The following TLL2 variants were observed in gnomAD, a reference collection of about 807,000 sequenced individuals.
TLL2 encodes the protein tolloid like 2, also known as tolloid-like protein 2.
In TLL2, 106 loss-of-function variants were observed where a neutral mutation model predicts 123.0. That is an observed-to-expected ratio of 0.86 (90% CI 0.74 to 1.01). TLL2 has a LOEUF of 1.01. Ranked by LOEUF, TLL2 falls within the 50% of genes least tolerant of loss-of-function variation. TLL2 has a pLI of 0.00. For synonymous variants in TLL2, 494 were observed against 516.8 expected, an observed-to-expected ratio of 0.96 and a Z score of 0.60; for missense variants, 1,332 against 1,336.7, an observed-to-expected ratio of 1.00 and a Z score of 0.06.
At chr10:96,505,296 T>C (rs574802572) in intron 1 of TLL2, among the ~76,000 whole-genome samples, 30 of 152,282 alleles carry the variant, frequency 2.0e-4, no homozygotes, top group Non-Finnish European at 4.0e-4. Flanking sequence ...ACCACCCCCA[T>C]GATCCAATCA....
chr10:96,455,840 C>G (rs1445656623), intron 2 of TLL2, among the ~76,000 whole-genome samples: 1 of 152,198 alleles, frequency 6.6e-6, no homozygotes, highest in Non-Finnish European at 1.5e-5. Context: ...TTTATGGATT[C>G]ACCTCAAATT....
chr10:96,495,697 G>T (rs749591143), intron 1 of TLL2, among the ~76,000 whole-genome samples: 7 of 152,034 alleles, frequency 4.6e-5, no homozygotes, highest in Non-Finnish European at 1.0e-4. Flanking sequence ...GGAGAGGTTC[G>T]GGCTCTTGGA....
At chr10:96,402,557 C>T (rs1470748709) in intron 10 of TLL2, among the ~76,000 whole-genome samples, 3 of 152,308 alleles carry the variant, frequency 2.0e-5, no homozygotes, top group East Asian at 1.9e-4. Flanking sequence ...TGCTAGAGAG[C>T]GCCATGCCTG....
chr10:96,457,713 T>C (rs1847031391), intron 2 of TLL2, among the ~76,000 whole-genome samples: 1 of 151,808 alleles, frequency 6.6e-6, no homozygotes, highest in South Asian at 2.1e-4. Flanking sequence ...GATGGGGAGA[T>C]CAGACCACAG....
intron 7 of TLL2, among the ~76,000 whole-genome samples, chr10:96,417,174 A>G (rs532593884): frequency 6.6e-6 from 1 of 152,334 alleles, no homozygotes; most frequent in South Asian, 2.1e-4. Flanking sequence ...GCCCTTTTAC[A>G]GAATCCAACA....
intron 16 of TLL2, 140 bp from the exon 17 acceptor site, chr10:96,379,232 G>A (rs1187580314): frequency 5.4e-6 from 6 of 1,111,296 alleles, no homozygotes; most frequent in Admixed American, 2.3e-5. Flanking sequence ...TTCCCTCACT[G>A]GAGGAGTGAA....
chr10:96,387,993 C>CTGAA (rs1388516765), intron 13 of TLL2, among the ~76,000 whole-genome samples: 36 of 152,162 alleles, frequency 2.4e-4, no homozygotes, highest in Non-Finnish European at 4.6e-4. Flanking sequence ...GAAGGGACAA[C>CTGAA]TGAACACTGA....
At chr10:96,499,851 G>T (rs1293262480) in intron 1 of TLL2, among the ~76,000 whole-genome samples, 4 of 151,836 alleles carry the variant, frequency 2.6e-5, no homozygotes, top group Non-Finnish European at 4.4e-5. Context: ...ATTTTAAAAG[G>T]GTCAAAATTA....
At position 96,513,679 on chromosome 10, in the gene TLL2, G is replaced by C; in HGVS notation, c.7C>G (p.Arg3Gly). MP[R>G]ATALGALVSL... ...ACCAGGGCCCCAAGTGCAGTCGCCC[G>C]GGGCATGGTGGCGCGGGGCCGGCTG... is the stretch of plus-strand genomic sequence containing the variant. The change falls in exon 1 of 21, where the codon CGG becomes GGG. Residue 3 changes from arginine to glycine, a missense_variant. By Grantham distance (125) the Arg-to-Gly change is moderately radical (BLOSUM62 -2). Transcript: ENST00000357947. 6.5e-7 allele frequency: 1 copy of C among 1,536,584 alleles called. No individual in the cohort carries two copies. Among genetic ancestry groups the C allele is most frequent in the Non-Finnish European group, 8.7e-7 (1 of 1,147,392 alleles).
chr10:96,420,589 C>G (rs1203260652), intron 7 of TLL2, among the ~76,000 whole-genome samples: 1 of 152,198 alleles, frequency 6.6e-6, no homozygotes, highest in Admixed American at 6.5e-5. Flanking sequence ...AACCAAACCT[C>G]TGCTAGGAGA....
At chr10:96,407,858 CAT>C (rs56920082) in intron 9 of TLL2, among the ~76,000 whole-genome samples, 16,703 of 152,258 alleles carry the variant, frequency 0.11, 1,226 homozygotes, top group African/African-American at 0.21. Context: ...CATGTGCATG[CAT>C]GTGTGTGCGC....
At chr10:96,404,045 C>A (rs375841222) in intron 10 of TLL2, among the ~76,000 whole-genome samples, 18 of 152,160 alleles carry the variant, frequency 1.2e-4, no homozygotes, top group Admixed American at 5.2e-4. Context: ...ACCCTGCTCT[C>A]CTACTACATT....
chr10:96,392,143 G>A (rs1360444540), intron 13 of TLL2, among the ~76,000 whole-genome samples: 1 of 152,184 alleles, frequency 6.6e-6, no homozygotes, highest in Non-Finnish European at 1.5e-5. Context: ...TTGAATGCAC[G>A]CTAGATGGGG....
chr10:96,405,264 C>T lies in TLL2; in HGVS notation c.1235G>A (p.Arg412Gln), dbSNP rs750924738. 1.4e-5 allele frequency: 23 copies of T among 1,613,966 alleles called. No individual in the cohort carries two copies. The highest frequency in any genetic ancestry group is 1.1e-4 in the African/African-American group (8 of 74,904). ...GGGGGCTTTTCTCCAGTAACCATCC[C>T]GGACCTCCACGTAATCATACCAGCA... ...RLCWYDYVEVRDGYWRKAPLL... is the reference protein window; with the variant it reads ...RLCWYDYVEVQDGYWRKAPLL... Residue 412 changes from arginine to glutamine, a missense_variant, in exon 10 of 21, where the codon CGG (arginine) becomes CAG (glutamine). By Grantham distance (43) the Arg-to-Gln change is conservative (BLOSUM62 1). Transcript: ENST00000357947.
chr10:96,390,851 G>A (rs937537745), intron 13 of TLL2, among the ~76,000 whole-genome samples: 1 of 152,166 alleles, frequency 6.6e-6, no homozygotes, highest in Non-Finnish European at 1.5e-5. Flanking sequence ...TCCAAGTGGC[G>A]ATGTGCCATG....
At chr10:96,483,805 C>T (rs1847334119) in intron 1 of TLL2, among the ~76,000 whole-genome samples, 1 of 151,980 alleles carries the variant, frequency 6.6e-6, no homozygotes, top group Non-Finnish European at 1.5e-5. Flanking sequence ...ATTATACTTC[C>T]CCCTCTCTCA....
chr10:96,480,062 G>A (rs1003443807), intron 2 of TLL2, among the ~76,000 whole-genome samples: 4 of 152,160 alleles, frequency 2.6e-5, no homozygotes, highest in Non-Finnish European at 5.9e-5. Context: ...CTCCAATCTG[G>A]AAAGTGCTGA....
intron 3 of TLL2, among the ~76,000 whole-genome samples, chr10:96,435,874 CTG>C (rs1168879558): frequency 6.6e-6 from 1 of 152,104 alleles, no homozygotes; most frequent in Non-Finnish European, 1.5e-5. Flanking sequence ...TCTTGTTTTC[CTG>C]TGTCTCACAT....
chr10:96,420,879 G>A lies in TLL2; in HGVS notation c.923+77C>T, dbSNP rs148688034. The A allele has an allele frequency of 8.5e-4, 1,116 of 1,315,710 alleles. 11 individuals are homozygous for A. In the African/African-American group the frequency reaches 0.014, roughly 17 times the overall value. 81.5% of individuals were successfully genotyped at this position (1,315,710 alleles called of 1,614,324 possible). A position where few individuals can be genotyped will look rare whatever the true frequency, so the allele number is the denominator to read the frequency against. On this transcript the variant is annotated intron_variant, in intron 7 of 20. Transcript: ENST00000357947. Reference sequence around the variant, plus strand: ...AGAAGCATGCAGAGACCCACTCTCCGCAGACCTCCAGGAATCCAACCCAAG... The same window carrying A: ...AGAAGCATGCAGAGACCCACTCTCCACAGACCTCCAGGAATCCAACCCAAG...
Sources: allele counts gnomAD v4.1 joint callset (sites outside exome capture counted in the v4.1 genomes callset), GRCh38; gene constraint gnomAD v4.1.1; transcripts MANE v1.5; gene names NCBI Gene and HGNC (gene_info 2026-07-23, HGNC 2026-07-21).